Variants in RAB27A observed in about 807,000 individuals in gnomAD.
RAB27A encodes the protein RAB27A, member RAS oncogene family, also known as ras-related protein Rab-27A.
RAB27A carries 17 observed loss-of-function variants against 20.8 expected under a neutral mutation model. The ratio of observed to expected loss-of-function variants is 0.82; its 90% CI spans 0.56 to 1.23. RAB27A has a LOEUF of 1.23. Ranked by LOEUF, RAB27A falls within the 50% of genes most tolerant of loss-of-function variation. The pLI is 0.00. For missense variants in RAB27A, 277 were observed against 266.7 expected (o/e 1.04, Z -0.27); for synonymous variants, 85 against 92.8 (o/e 0.92, Z 0.48).
chr15:55,316,430 C>T (rs1351554295), intron 1 of RAB27A, among the ~76,000 whole-genome samples: 1 of 2,344 alleles, frequency 4.3e-4, no homozygotes, highest in African/African-American at 3.8e-3. Flanking sequence ...CTGTCGGGGG[C>T]GGGTGGGGGG....
At chr15:55,251,922 A>AT (rs1384720406) in intron 2 of RAB27A, among the ~76,000 whole-genome samples, 10 of 152,184 alleles carry the variant, frequency 6.6e-5, no homozygotes, top group Non-Finnish European at 7.3e-5. Context: ...AGAAAGCGGC[A>AT]TGAGGTAGAG....
intron 3 of RAB27A, 45 bp downstream of exon 3, chr15:55,234,734 ATGT>A: frequency 6.4e-7 from 1 of 1,557,022 alleles, no homozygotes; most frequent in African/African-American, 1.4e-5. Context: ...AGACCAGCAA[ATGT>A]TGACTTAACG....
In RAB27A at chr15:55,312,094, G is replaced by A. The variant is rs576516403; in HGVS notation, c.-112+1945C>T. Among the ~76,000 whole-genome samples, 50 of 152,348 alleles carry A rather than the reference G, an allele frequency of 3.3e-4. 2 individuals are homozygous for A. The Middle Eastern group carries it at 0.017, about 52-fold the overall frequency. ...GACTAGTGTTCAGCTCGATTAGGAC[G>A]AACCCAGGCTCTTAGCCGTGCAGGA... is the stretch of plus-strand genomic sequence containing the variant. On this transcript the variant is annotated intron_variant, in intron 2 of 5. Transcript: ENST00000563262.
chr15:55,286,839 C>T (rs1340345292), intron 1 of RAB27A, among the ~76,000 whole-genome samples: 2 of 151,370 alleles, frequency 1.3e-5, no homozygotes, highest in African/African-American at 4.9e-5. Flanking sequence ...TGCAGTAATC[C>T]AGGTGACAGA....
rs368439583 is a variant in RAB27A at position 55,302,789 on chromosome 15, A to G, written c.-112+11250T>C. 4.2e-3 allele frequency among the ~76,000 whole-genome samples: 532 copies of G among 125,572 alleles called. 1 individual carries two copies. Among genetic ancestry groups the G allele is most frequent in the Middle Eastern group, 0.014 (3 of 208 alleles). 82.4% of individuals were successfully genotyped at this position (125,572 alleles called of 152,430 possible). On this transcript the variant is annotated intron_variant, in intron 2 of 5. Coordinates refer to the RAB27A transcript ENST00000563262. The stretch of plus-strand genomic sequence containing the variant: ...AGACCCCGTCTGGGAGGTGAGGAGC[A>G]TCTCTGCCCGGCCGCCCCGTCTGAG...
intron 1 of RAB27A, among the ~76,000 whole-genome samples, chr15:55,277,668 G>A (rs983168923): frequency 6.6e-6 from 1 of 152,134 alleles, no homozygotes; most frequent in Non-Finnish European, 1.5e-5. Flanking sequence ...TATTAGAACT[G>A]TGTGTAAAAT....
intron 1 of RAB27A, among the ~76,000 whole-genome samples, chr15:55,316,829 T>C (rs945952625): frequency 6.6e-6 from 1 of 152,120 alleles, no homozygotes; most frequent in African/African-American, 2.4e-5. Flanking sequence ...ATCTGAGCCA[T>C]CCCAACTCTC....
intron 2 of RAB27A, among the ~76,000 whole-genome samples, chr15:55,303,699 G>A (rs1302225221): frequency 6.1e-5 from 8 of 130,884 alleles, no homozygotes; most frequent in East Asian, 2.8e-4. Context: ...CGCCCCGTCC[G>A]GGAGGTGAGG....
At chr15:55,254,886 G>A (rs1897023962) in intron 2 of RAB27A, among the ~76,000 whole-genome samples, 1 of 152,106 alleles carries the variant, frequency 6.6e-6, no homozygotes, top group South Asian at 2.1e-4. Context: ...TGACCCTTTT[G>A]GGAAAAGGCA....
upstream of RAB27A, among the ~76,000 whole-genome samples, chr15:55,294,798 A>T (rs2054940897): frequency 6.6e-6 from 1 of 152,074 alleles, no homozygotes; most frequent in Non-Finnish European, 1.5e-5. Context: ...TAGATTTGAC[A>T]CCAAAAGCAC....
chr15:55,278,394 G>C (rs1897928446), intron 1 of RAB27A, among the ~76,000 whole-genome samples: 1 of 152,010 alleles, frequency 6.6e-6, no homozygotes, highest in South Asian at 2.1e-4. Context: ...ACAAAGAAGA[G>C]GCATCATATC....
intron 2 of RAB27A, 153 bp downstream of exon 2, chr15:55,270,012 G>C (rs996624502): frequency 1.3e-5 from 2 of 152,042 alleles, no homozygotes; most frequent in South Asian, 4.2e-4. Flanking sequence ...CTAATCCCAA[G>C]AAATTTAGTA....
intron 1 of RAB27A, among the ~76,000 whole-genome samples, chr15:55,274,506 G>T (rs565135001): frequency 6.7e-6 from 1 of 149,172 alleles, no homozygotes; most frequent in South Asian, 2.1e-4. Context: ...GGCTGGGTGC[G>T]GTGGTTCATG....
intron 2 of RAB27A, among the ~76,000 whole-genome samples, chr15:55,257,668 C>G (rs532956399): frequency 2.0e-5 from 3 of 152,196 alleles, no homozygotes; most frequent in Non-Finnish European, 4.4e-5. Context: ...TGCCCATCAT[C>G]ATCCACCACC....
At chr15:55,285,362 G>A (rs533611718) in intron 1 of RAB27A, among the ~76,000 whole-genome samples, 15 of 148,532 alleles carry the variant, frequency 1.0e-4, no homozygotes, top group South Asian at 6.3e-4. Context: ...AGCATTCCTC[G>A]TAAGAGAGGC....
intron 2 of RAB27A, among the ~76,000 whole-genome samples, chr15:55,256,733 C>T (rs1452670261): frequency 6.6e-6 from 1 of 152,172 alleles, no homozygotes; most frequent in African/African-American, 2.4e-5. Flanking sequence ...ATATGGGGTT[C>T]CTCTGCCACC....
At chr15:55,293,316 T>A (rs1175135497), upstream of RAB27A, among the ~76,000 whole-genome samples, 1 of 152,088 alleles carries the variant, frequency 6.6e-6, no homozygotes, top group Non-Finnish European at 1.5e-5. Context: ...TGGATGTTGA[T>A]TTCTTAATAT....
chr15:55,260,107 C>T (rs912564996), intron 2 of RAB27A: 1 of 152,186 alleles, frequency 6.6e-6, no homozygotes, highest in African/African-American at 2.4e-5. Context: ...CATCTATTTA[C>T]GTATTTTTAG....
In RAB27A at chr15:55,230,400, C is replaced by A. The variant is rs761810607; in HGVS notation, c.239+1G>T. 9 of 1,608,164 alleles carry A rather than the reference C, an allele frequency of 5.6e-6. No individual in the cohort carries two copies. The South Asian group carries it at 9.9e-5, about 18-fold the overall frequency. On this transcript the variant is annotated splice_donor_variant, in intron 4 of 6. Coordinates refer to ENST00000336787, the MANE Select transcript of RAB27A (RefSeq NM_183235.3). LOFTEE classifies it high-confidence loss of function. Reference sequence around the variant, plus strand: ...GGAGCACATAACTGAAGATCTCATACCTCTCCTGCCCTGCTGTGTCCCATA... The same window carrying A: ...GGAGCACATAACTGAAGATCTCATAACTCTCCTGCCCTGCTGTGTCCCATA...
Sources: gnomAD v4.1 joint callset for allele counts (sites outside exome capture counted in the v4.1 genomes callset) on GRCh38, gnomAD v4.1.1 for gene constraint, MANE v1.5 for transcripts, NCBI Gene and HGNC (gene_info 2026-07-23, HGNC 2026-07-21) for gene names.